DYNC1I1: variants seen among roughly 807,000 people sequenced by gnomAD.
The protein encoded by DYNC1I1 is dynein cytoplasmic 1 intermediate chain 1, also known as cytoplasmic dynein 1 intermediate chain 1.
Under a neutral mutation model 86.6 loss-of-function variants are expected in DYNC1I1, and 43 were observed. The ratio of observed to expected loss-of-function variants is 0.50; its 90% CI spans 0.39 to 0.64. The LOEUF is 0.64. Ranked by LOEUF, DYNC1I1 falls within the 30% of genes least tolerant of loss-of-function variation. DYNC1I1 has a pLI of 0.00. For missense variants in DYNC1I1, 604 were observed against 788.8 expected, an observed-to-expected ratio of 0.77 and a Z score of 2.81; for synonymous variants, 262 against 283.7, an observed-to-expected ratio of 0.92 and a Z score of 0.77.
At chr7:95,849,309 C>A (rs1428637685) in intron 5 of DYNC1I1, among the ~76,000 whole-genome samples, 1 of 152,108 alleles carries the variant, frequency 6.6e-6, no homozygotes, top group Non-Finnish European at 1.5e-5. Context: ...AGAACAATGT[C>A]ACGGAGCTTT....
At chr7:96,020,984 C>G (rs1794534733) in intron 10 of DYNC1I1, among the ~76,000 whole-genome samples, 1 of 151,812 alleles carries the variant, frequency 6.6e-6, no homozygotes, top group Admixed American at 6.6e-5. Flanking sequence ...TTACCAGAGC[C>G]TGGTGAAGAG....
chr7:96,041,739 A>G (rs1049287073), intron 14 of DYNC1I1, among the ~76,000 whole-genome samples: 1 of 152,178 alleles, frequency 6.6e-6, no homozygotes, highest in Non-Finnish European at 1.5e-5. Flanking sequence ...TGCAAATAGT[A>G]TATTATCATT....
chr7:96,013,547 C>T (rs1794330123), intron 10 of DYNC1I1, among the ~76,000 whole-genome samples: 2 of 152,172 alleles, frequency 1.3e-5, no homozygotes, highest in Admixed American at 6.5e-5. Flanking sequence ...AAGCCTCAAC[C>T]TTCTGGGCTC....
intron 5 of DYNC1I1, among the ~76,000 whole-genome samples, chr7:95,833,153 G>T (rs1162967567): frequency 6.9e-6 from 1 of 144,500 alleles, no homozygotes; most frequent in Non-Finnish European, 1.5e-5. Flanking sequence ...TGTATAAGGT[G>T]TAAGGAAGGG....
At chr7:95,901,427 T>C (rs1791034350) in intron 6 of DYNC1I1, among the ~76,000 whole-genome samples, 1 of 152,080 alleles carries the variant, frequency 6.6e-6, no homozygotes, top group Non-Finnish European at 1.5e-5. Context: ...TAATCACAAA[T>C]GAGTGAGAGC....
rs1292118403 is a variant in DYNC1I1 at position 95,928,214 on chromosome 7, TC to T, written c.491-49295del. Among the ~76,000 whole-genome samples, 8 of 152,206 alleles carry T rather than the reference TC, an allele frequency of 5.3e-5. No homozygotes were observed. In the East Asian group the frequency reaches 1.3e-3, roughly 26 times the overall value. ...ATTTCCTGGTAGAAATGTTGTGACT[TC>T]CCTGACATTGCTGTTAAATTGTAGT... On this transcript the variant is annotated intron_variant, in intron 6 of 16. Coordinates refer to ENST00000447467, the MANE Select transcript of DYNC1I1 (RefSeq NM_001135556.2).
intron 10 of DYNC1I1, among the ~76,000 whole-genome samples, chr7:96,012,944 T>C (rs1230906708): frequency 2.6e-5 from 4 of 152,086 alleles, no homozygotes; most frequent in Admixed American, 2.6e-4. Context: ...TTTGCTTACA[T>C]GAGTAAGTTC....
intron 15 of DYNC1I1, among the ~76,000 whole-genome samples, chr7:96,077,939 C>T (rs1790393199): frequency 6.6e-6 from 1 of 152,120 alleles, no homozygotes; most frequent in Non-Finnish European, 1.5e-5. Context: ...CATTATTGGT[C>T]ATGCAAACTG....
At chr7:96,025,218 G>A (rs1261618193) in intron 10 of DYNC1I1, among the ~76,000 whole-genome samples, 1 of 152,108 alleles carries the variant, frequency 6.6e-6, no homozygotes, top group African/African-American at 2.4e-5. Context: ...TACTACGTTA[G>A]CATTTTTACA....
intron 6 of DYNC1I1, among the ~76,000 whole-genome samples, chr7:95,964,897 C>T (rs538263171): frequency 3.5e-4 from 53 of 152,220 alleles, no homozygotes; most frequent in Non-Finnish European, 6.2e-4. Context: ...AATACCAATG[C>T]AAAAGCTGTG....
At chr7:95,803,996 T>C (rs958715241) in intron 1 of DYNC1I1, among the ~76,000 whole-genome samples, 1 of 152,192 alleles carries the variant, frequency 6.6e-6, no homozygotes, top group African/African-American at 2.4e-5. Flanking sequence ...GCCATGGTGT[T>C]ATCTCCCGTT....
intron 6 of DYNC1I1, among the ~76,000 whole-genome samples, chr7:95,959,869 A>G (rs922851500): frequency 1.3e-5 from 2 of 152,298 alleles, no homozygotes; most frequent in African/African-American, 2.4e-5. Flanking sequence ...CCAAGTTAGC[A>G]GCATCCCCGA....
chr7:96,024,606 T>C (rs952664329), intron 10 of DYNC1I1, among the ~76,000 whole-genome samples: 29 of 152,160 alleles, frequency 1.9e-4, no homozygotes, highest in African/African-American at 5.8e-4. Context: ...AATAATGCTT[T>C]ATTATAACAC....
At chr7:95,874,052 C>G (rs1419415788) in intron 6 of DYNC1I1, among the ~76,000 whole-genome samples, 1 of 152,210 alleles carries the variant, frequency 6.6e-6, no homozygotes, top group Non-Finnish European at 1.5e-5. Context: ...TTTCTTACAG[C>G]TGTCCAGTCC....
At chr7:95,823,976 A>ATATATATATG (rs1554393670) in intron 4 of DYNC1I1, among the ~76,000 whole-genome samples, 1 of 112,804 alleles carries the variant, frequency 8.9e-6, no homozygotes, top group African/African-American at 4.2e-5. Context: ...ATATATATAT[A>ATATATATATG]TATGTTTTGG....
intron 1 of DYNC1I1, among the ~76,000 whole-genome samples, chr7:95,779,373 G>A (rs563715618): frequency 3.3e-4 from 51 of 152,252 alleles, no homozygotes; most frequent in South Asian, 8.3e-4. Flanking sequence ...CAGTTTCTTC[G>A]TCTGTAAAAT....
At chr7:95,969,614 T>C (rs937182513) in intron 6 of DYNC1I1, among the ~76,000 whole-genome samples, 2 of 152,156 alleles carry the variant, frequency 1.3e-5, no homozygotes, top group Non-Finnish European at 2.9e-5. Flanking sequence ...CAATACATAT[T>C]TACTATGCAT....
chr7:95,972,738 T>C (rs931227581), intron 6 of DYNC1I1, among the ~76,000 whole-genome samples: 1 of 152,074 alleles, frequency 6.6e-6, no homozygotes, highest in Admixed American at 6.6e-5. Flanking sequence ...CATGGACTAG[T>C]GGAGGAAACG....
intron 2 of DYNC1I1, among the ~76,000 whole-genome samples, chr7:95,808,803 C>T (rs1388305971): frequency 6.6e-6 from 1 of 152,074 alleles, no homozygotes; most frequent in Non-Finnish European, 1.5e-5. Context: ...GAGAAAGGCA[C>T]CTTGAAGATT....
Sources: gnomAD v4.1 joint callset for allele counts (sites outside exome capture counted in the v4.1 genomes callset) on GRCh38, gnomAD v4.1.1 for gene constraint, MANE v1.5 for transcripts, NCBI Gene and HGNC (gene_info 2026-07-23, HGNC 2026-07-21) for gene names.